TNRC6B: variants seen among roughly 807,000 people sequenced by gnomAD.
TNRC6B encodes the protein trinucleotide repeat-containing gene 6B protein.
A neutral mutation model predicts 203.6 loss-of-function variants in TNRC6B; 52 were observed. The ratio of observed to expected loss-of-function variants is 0.26; its 90% CI spans 0.20 to 0.32. The LOEUF (loss-of-function observed/expected upper bound fraction) is 0.32. Ranked by LOEUF, TNRC6B falls within the 10% of genes least tolerant of loss-of-function variation. The pLI, the probability that TNRC6B is intolerant of heterozygous loss-of-function variation, is 1.00. For synonymous variants in TNRC6B, 838 were observed against 845.7 expected, an observed-to-expected ratio of 0.99 and a Z score of 0.16; for missense variants, 1,923 against 2,286.2, an observed-to-expected ratio of 0.84 and a Z score of 3.24.
Position 40,308,533 on chromosome 22 carries a change from A to G in TNRC6B, c.4142A>G (p.Asp1381Gly). 6.2e-7 allele frequency: 1 copy of G among 1,613,952 alleles called. No homozygotes were observed. The highest frequency in any genetic ancestry group is 1.1e-5 in the South Asian group (1 of 91,076). The change falls in exon 16 of 23, where the codon GAC becomes GGC. Residue 1381 changes from aspartate to glycine, a missense_variant. Around this residue, in one of 8 missense-constraint regions of TNRC6B, gnomAD observed 242 missense variants for 399.5 expected, o/e 0.61. Coordinates refer to ENST00000454349, the MANE Select transcript of TNRC6B (RefSeq NM_001162501.2). ...TTAGGCTTCAGCTCTGGCGGCATGG[A>G]CTATGGCATGGTTGGTGGGAAGGAG... ...YGSGFSSGGM[D>G]YGMVGGKEAG...
chr22:40,071,275 G>T (rs2067944959), intron 1 of TNRC6B, among the ~76,000 whole-genome samples: 1 of 152,068 alleles, frequency 6.6e-6, no homozygotes, highest in Admixed American at 6.6e-5. Flanking sequence ...ACTCCTTGCT[G>T]GCTTTATATG....
At chr22:40,230,530 G>A (rs908491539) in intron 1 of TNRC6B, among the ~76,000 whole-genome samples, 1 of 151,932 alleles carries the variant, frequency 6.6e-6, no homozygotes, top group Non-Finnish European at 1.5e-5. Context: ...GACCTCAAGT[G>A]ATCCACTCAC....
intron 1 of TNRC6B, among the ~76,000 whole-genome samples, chr22:40,220,085 C>T (rs1032200258): frequency 1.3e-5 from 2 of 152,156 alleles, no homozygotes; most frequent in Non-Finnish European, 2.9e-5. Flanking sequence ...TTACAAACTC[C>T]TTGAGAATCG....
chr22:40,086,007 AC>A (rs562917057), intron 1 of TNRC6B, among the ~76,000 whole-genome samples: 123 of 152,142 alleles, frequency 8.1e-4, no homozygotes, highest in Non-Finnish European at 1.3e-3. Context: ...AGTAGCTGGT[AC>A]CACAGGTGCA....
intron 21 of TNRC6B, among the ~76,000 whole-genome samples, chr22:40,320,680 G>A (rs555720676): frequency 6.6e-6 from 1 of 152,216 alleles, no homozygotes; most frequent in Non-Finnish European, 1.5e-5. Context: ...GGCAGAAATA[G>A]TCTCACCTTG....
chr22:40,064,628 T>C (rs2067880180), intron 1 of TNRC6B, among the ~76,000 whole-genome samples: 3 of 151,768 alleles, frequency 2.0e-5, no homozygotes, highest in Admixed American at 6.6e-5. Context: ...TTTTTTTTTT[T>C]TCTTTTTGAG....
intron 3 of TNRC6B, among the ~76,000 whole-genome samples, chr22:40,154,868 T>TATAC (rs1767071400): frequency 5.8e-5 from 2 of 34,232 alleles, no homozygotes. Flanking sequence ...AAAATATATA[T>TATAC]ATATATATAT....
intron 14 of TNRC6B, 25 bp from the exon 15 acceptor site, chr22:40,301,125 C>T (rs1329000664): frequency 2.5e-5 from 39 of 1,552,968 alleles, no homozygotes; most frequent in Non-Finnish European, 3.1e-5. Flanking sequence ...GTGCTTATCA[C>T]GTGTCTGTCT....
chr22:40,127,836 A>C (rs1473138404), intron 3 of TNRC6B, among the ~76,000 whole-genome samples: 1 of 152,066 alleles, frequency 6.6e-6, no homozygotes, highest in Admixed American at 6.5e-5. Context: ...ATGCCACTGC[A>C]CTCCAGCCTG....
intron 1 of TNRC6B, among the ~76,000 whole-genome samples, chr22:40,076,343 G>C (rs1199508070): frequency 6.6e-6 from 1 of 152,184 alleles, no homozygotes; most frequent in Non-Finnish European, 1.5e-5. Context: ...AGCCTGGGGA[G>C]GTTGAGGCTG....
chr22:40,300,864 A>G (rs1265352718), intron 13 of TNRC6B, 46 bp from the exon 14 acceptor site: 1 of 1,572,918 alleles, frequency 6.4e-7, no homozygotes, highest in South Asian at 1.2e-5. Context: ...TCAGTAAATC[A>G]ATCTCAGGAA....
intron 3 of TNRC6B, among the ~76,000 whole-genome samples, chr22:40,261,182 A>ATCTT (rs2070376837): frequency 6.6e-6 from 1 of 152,134 alleles, no homozygotes; most frequent in Admixed American, 6.5e-5. Context: ...GCTACTCAAG[A>ATCTT]GGCTGAGGTG....
chr22:40,055,398 G>A (rs1349909790), intron 1 of TNRC6B, among the ~76,000 whole-genome samples: 1 of 152,102 alleles, frequency 6.6e-6, no homozygotes, highest in Non-Finnish European at 1.5e-5. Context: ...AGAGGCATGG[G>A]GGAGCGTTTT....
intron 1 of TNRC6B, among the ~76,000 whole-genome samples, chr22:40,189,243 T>C (rs1012691923): frequency 1.3e-5 from 2 of 152,160 alleles, no homozygotes; most frequent in East Asian, 3.8e-4. Flanking sequence ...TATTGAGAAA[T>C]GAATATGTGT....
chr22:40,317,107 G>C (rs1407645098), intron 21 of TNRC6B, among the ~76,000 whole-genome samples: 1 of 152,194 alleles, frequency 6.6e-6, no homozygotes, highest in African/African-American at 2.4e-5. Flanking sequence ...TCCTATCCCT[G>C]AAAGTGTCTT....
intron 1 of TNRC6B, among the ~76,000 whole-genome samples, chr22:40,230,126 TG>T (rs1222675338): frequency 6.6e-6 from 1 of 152,182 alleles, no homozygotes; most frequent in African/African-American, 2.4e-5. Flanking sequence ...TTTTTAATTT[TG>T]CACATTCTAC....
intron 1 of TNRC6B, chr22:40,106,545 A>G: frequency 2.7e-6 from 2 of 734,224 alleles, no homozygotes; most frequent in African/African-American, 1.7e-5. Flanking sequence ...CGAGCAATCA[A>G]AGTGTTATCT....
intron 3 of TNRC6B, among the ~76,000 whole-genome samples, chr22:40,145,178 C>T (rs2068682282): frequency 6.6e-6 from 1 of 151,838 alleles, no homozygotes; most frequent in South Asian, 2.1e-4. Context: ...TTCGGGATGT[C>T]AAGGCTTCAG....
chr22:40,139,672 A>C (rs1168071152), intron 3 of TNRC6B, among the ~76,000 whole-genome samples: 1 of 152,184 alleles, frequency 6.6e-6, no homozygotes, highest in African/African-American at 2.4e-5. Context: ...GAATATTTGG[A>C]TGATTCCCAC....
Sources: gnomAD v4.1 joint callset for allele counts (sites outside exome capture counted in the v4.1 genomes callset) on GRCh38, gnomAD v4.1.1 for gene constraint, gnomAD v4.1.1 regional missense constraint, MANE v1.5 for transcripts, NCBI Gene and HGNC (gene_info 2026-07-23, HGNC 2026-07-21) for gene names.